The following NCAM2 variants were observed in gnomAD, a reference collection of about 807,000 sequenced individuals.
NCAM2 encodes neural cell adhesion molecule 2.
A neutral mutation model predicts 98.1 loss-of-function variants in NCAM2; 30 were observed. The ratio of observed to expected loss-of-function variants is 0.31; its 90% CI spans 0.23 to 0.41. The LOEUF (loss-of-function observed/expected upper bound fraction) is 0.41. Among genes scored for constraint, NCAM2 ranks in the 10% least tolerant of loss-of-function variants. NCAM2 has a pLI of 1.00. For synonymous variants in NCAM2, 368 were observed against 342.4 expected (o/e 1.07, Z -0.83); for missense variants, 867 against 1,005.8 (o/e 0.86, Z 1.87).
chr21:21,340,625 T>C (rs1277335500), intron 8 of NCAM2, among the ~76,000 whole-genome samples: 3 of 151,992 alleles, frequency 2.0e-5, no homozygotes, highest in Admixed American at 2.0e-4. Context: ...TTAAGTCTAT[T>C]GTATTTCTAT....
At chr21:21,526,271 T>C (rs1989318302) in intron 16 of NCAM2, among the ~76,000 whole-genome samples, 1 of 151,944 alleles carries the variant, frequency 6.6e-6, no homozygotes, top group South Asian at 2.1e-4. Flanking sequence ...TATAGCAAGG[T>C]TGCAGGATAA....
At chr21:21,269,433 A>T (rs935731456) in intron 1 of NCAM2, among the ~76,000 whole-genome samples, 6 of 152,198 alleles carry the variant, frequency 3.9e-5, no homozygotes, top group Non-Finnish European at 5.9e-5. Flanking sequence ...CTTTTGAATG[A>T]ACCAATTAAG....
chr21:21,324,542 C>A, intron 6 of NCAM2, 42 bp downstream of exon 6: 2 of 1,317,924 alleles, frequency 1.5e-6, no homozygotes, highest in Non-Finnish European at 1.1e-6. Context: ...TGTCCATTAT[C>A]AGGCTTATGG....
chr21:21,429,464 A>G (rs762892733), intron 11 of NCAM2, among the ~76,000 whole-genome samples: 4 of 152,210 alleles, frequency 2.6e-5, no homozygotes, highest in Non-Finnish European at 5.9e-5. Flanking sequence ...TGTAATGCCT[A>G]TGACATCCAA....
intron 9 of NCAM2, among the ~76,000 whole-genome samples, chr21:21,402,866 G>T (rs1602231428): frequency 6.6e-6 from 1 of 151,138 alleles, no homozygotes; most frequent in East Asian, 2.0e-4. Context: ...TTAATTTTTT[G>T]AGAAACCTCC....
intron 9 of NCAM2, among the ~76,000 whole-genome samples, chr21:21,398,024 T>A (rs556407248): frequency 6.6e-6 from 1 of 152,318 alleles, no homozygotes; most frequent in East Asian, 1.9e-4. Context: ...AGCCCAAATG[T>A]CCATTAATCA....
chr21:21,062,561 G>A (rs59818785), intron 1 of NCAM2, among the ~76,000 whole-genome samples: 3 of 152,036 alleles, frequency 2.0e-5, no homozygotes, highest in Admixed American at 1.3e-4. Context: ...AGGAGCTAAC[G>A]CTACCGATAT....
intron 1 of NCAM2, among the ~76,000 whole-genome samples, chr21:21,144,782 A>G (rs1264526303): frequency 1.3e-5 from 2 of 152,172 alleles, no homozygotes; most frequent in Non-Finnish European, 2.9e-5. Context: ...AACTACAGAC[A>G]AAGCAAGACT....
intron 2 of NCAM2, among the ~76,000 whole-genome samples, chr21:21,283,529 G>T (rs2072997906): frequency 6.6e-6 from 1 of 151,850 alleles, no homozygotes; most frequent in African/African-American, 2.4e-5. Context: ...TCAATGCATT[G>T]AAATTATCAT....
intron 1 of NCAM2, among the ~76,000 whole-genome samples, chr21:21,183,414 C>T (rs1375047104): frequency 6.6e-6 from 1 of 152,066 alleles, no homozygotes; most frequent in East Asian, 1.9e-4. Flanking sequence ...GCAGATCTGT[C>T]TTTACTGTGA....
chr21:21,252,045 T>C (rs1469911915), intron 1 of NCAM2, among the ~76,000 whole-genome samples: 1 of 151,962 alleles, frequency 6.6e-6, no homozygotes, highest in East Asian at 1.9e-4. Flanking sequence ...TCAAAGGATA[T>C]GAACAGACCC....
chr21:21,402,294 G>C (rs540546022), intron 9 of NCAM2, among the ~76,000 whole-genome samples: 8 of 152,070 alleles, frequency 5.3e-5, no homozygotes, highest in Non-Finnish European at 1.2e-4. Flanking sequence ...CCTAGGAAAA[G>C]AATTGCATTC....
intron 15 of NCAM2, among the ~76,000 whole-genome samples, chr21:21,488,117 C>T (rs1986544454): frequency 6.6e-6 from 1 of 152,008 alleles, no homozygotes; most frequent in Admixed American, 6.5e-5. Flanking sequence ...GCAATTTTCA[C>T]TTACATATAG....
intron 1 of NCAM2, among the ~76,000 whole-genome samples, chr21:21,096,836 C>T (rs1162811376): frequency 5.3e-5 from 8 of 151,204 alleles, no homozygotes; most frequent in Non-Finnish European, 1.0e-4. Context: ...TTTTTGTTGG[C>T]GTTACTTCAT....
chr21:21,351,069 C>T (rs554923907), intron 8 of NCAM2, among the ~76,000 whole-genome samples: 64 of 134,320 alleles, frequency 4.8e-4, no homozygotes, highest in African/African-American at 1.7e-3. Context: ...AGCTGAGATC[C>T]TGCCACTGCA....
chr21:21,044,488 A>G (rs2064969417), intron 1 of NCAM2, among the ~76,000 whole-genome samples: 1 of 152,202 alleles, frequency 6.6e-6, no homozygotes, highest in Admixed American at 6.5e-5. Context: ...ATAATTCAGA[A>G]TGCTAATTAA....
intron 1 of NCAM2, among the ~76,000 whole-genome samples, chr21:21,106,736 G>A (rs1368805908): frequency 2.0e-5 from 3 of 151,658 alleles, no homozygotes; most frequent in Non-Finnish European, 4.4e-5. Context: ...AAAAAATCAG[G>A]ACATGTAGGA....
chr21:21,309,237 C>A (rs2073971513), intron 5 of NCAM2, among the ~76,000 whole-genome samples: 1 of 152,086 alleles, frequency 6.6e-6, no homozygotes, highest in Non-Finnish European at 1.5e-5. Context: ...AGCATGGATG[C>A]TAGATGTTAT....
At chr21:21,395,030 T>G (rs746509377) in intron 9 of NCAM2, among the ~76,000 whole-genome samples, 3 of 152,162 alleles carry the variant, frequency 2.0e-5, no homozygotes, top group Non-Finnish European at 2.9e-5. Flanking sequence ...CTTTCCCTCA[T>G]TGAATGTATA....
Sources: allele counts gnomAD v4.1 joint callset (sites outside exome capture counted in the v4.1 genomes callset), GRCh38; gene constraint gnomAD v4.1.1; transcripts MANE v1.5; gene names NCBI Gene and HGNC (gene_info 2026-07-23, HGNC 2026-07-21).